RANBP2: variants seen among roughly 807,000 people sequenced by gnomAD.
RANBP2 encodes RAN binding protein 2.
A neutral mutation model predicts 303.6 loss-of-function variants in RANBP2; 57 were observed. The observed-to-expected ratio is 0.19, with a 90% CI of 0.15 to 0.23. RANBP2 has a LOEUF of 0.23. Ranked by LOEUF, RANBP2 falls within the 10% of genes least tolerant of loss-of-function variation. RANBP2 has a pLI of 1.00. For synonymous variants in RANBP2, 1,167 were observed against 1,301.5 expected (o/e 0.90, Z 2.23); for missense variants, 3,138 against 3,780.8 (o/e 0.83, Z 4.46).
chr2:109,070,720 G>A, the RANBP2 span, among the ~76,000 whole-genome samples: 4 of 152,070 alleles, frequency 2.6e-5, no homozygotes, highest in African/African-American at 9.7e-5. Flanking sequence ...TTAGGCGGGT[G>A]TGATGGTGCG....
chr2:108,862,538 G>T, the RANBP2 span, among the ~76,000 whole-genome samples: 1 of 152,154 alleles, frequency 6.6e-6, no homozygotes. Flanking sequence ...ATTGCTAACA[G>T]AGTACATTTT....
At chr2:109,656,909 G>C in the RANBP2 span, among the ~76,000 whole-genome samples, 1 of 152,098 alleles carries the variant, frequency 6.6e-6, no homozygotes, top group Non-Finnish European at 1.5e-5. Context: ...GAAAAAGTAG[G>C]GCGGTTCATA....
chr2:108,889,379 G>A, the RANBP2 span, among the ~76,000 whole-genome samples: 3 of 152,124 alleles, frequency 2.0e-5, no homozygotes, highest in Non-Finnish European at 2.9e-5. Context: ...CTAATGCTGA[G>A]TGGGAGAGAT....
chr2:109,568,282 G>T, the RANBP2 span, among the ~76,000 whole-genome samples: 1 of 151,638 alleles, frequency 6.6e-6, no homozygotes, highest in African/African-American at 2.4e-5. Context: ...GCCCTTTGCA[G>T]AAAAGGCATG....
At chr2:108,843,880 T>TGTGTGTGTGTG in the RANBP2 span, among the ~76,000 whole-genome samples, 4 of 94,134 alleles carry the variant, frequency 4.2e-5, no homozygotes, top group African/African-American at 2.2e-4. Flanking sequence ...GTGTGTGTGT[T>TGTGTGTGTGTG]TCTTTCTTTT....
chr2:109,451,407 G>C, the RANBP2 span, among the ~76,000 whole-genome samples: 98 of 152,294 alleles, frequency 6.4e-4, no homozygotes, highest in African/African-American at 2.3e-3. Flanking sequence ...GGGCAGACTT[G>C]GAAAGTGGGG....
At chr2:109,165,205 G>A in the RANBP2 span, among the ~76,000 whole-genome samples, 1 of 49,774 alleles carries the variant, frequency 2.0e-5, no homozygotes, top group Non-Finnish European at 4.6e-5. Flanking sequence ...GCTGAGGGAA[G>A]ACTGTGCTAA....
chr2:108,742,184 C>T (rs1341274181), intron 7 of RANBP2, among the ~76,000 whole-genome samples: 3 of 151,822 alleles, frequency 2.0e-5, no homozygotes, highest in African/African-American at 2.4e-5. Context: ...TTAGTAGAGA[C>T]GGGGTTTCTC....
chr2:109,330,040 T>C, the RANBP2 span, among the ~76,000 whole-genome samples: 2 of 152,184 alleles, frequency 1.3e-5, no homozygotes, highest in Admixed American at 6.5e-5. Context: ...TTACAAAACA[T>C]TGAATTTCAT....
At chr2:108,897,954 G>A in the RANBP2 span, among the ~76,000 whole-genome samples, 1 of 152,124 alleles carries the variant, frequency 6.6e-6, no homozygotes, top group Non-Finnish European at 1.5e-5. Context: ...TAAGTTCCCT[G>A]GGTTTTCTTT....
At chr2:109,473,125 C>T in the RANBP2 span, among the ~76,000 whole-genome samples, 2 of 152,248 alleles carry the variant, frequency 1.3e-5, no homozygotes, top group Admixed American at 1.3e-4. Flanking sequence ...AATCGCCCCT[C>T]ATTTAACAGC....
the RANBP2 span, chr2:109,592,936 G>T: frequency 1.8e-6 from 1 of 545,572 alleles, no homozygotes; most frequent in Non-Finnish European, 3.0e-6. Flanking sequence ...CACGTTGGAG[G>T]TAAGTACAAA....
chr2:108,771,902 G>A, intron 21 of RANBP2, 31 bp downstream of exon 21: 11 of 1,613,140 alleles, frequency 6.8e-6, no homozygotes, highest in Non-Finnish European at 9.3e-6. Flanking sequence ...AAAATCCTCT[G>A]TTCCCGCTAA....
the RANBP2 span, among the ~76,000 whole-genome samples, chr2:109,277,228 C>T: frequency 5.9e-5 from 9 of 152,260 alleles, no homozygotes; most frequent in African/African-American, 1.4e-4. Flanking sequence ...CCCTGCATTT[C>T]GGATGTGTCA....
At chr2:109,758,436 T>C in the RANBP2 span, among the ~76,000 whole-genome samples, 1 of 126,506 alleles carries the variant, frequency 7.9e-6, no homozygotes, top group Non-Finnish European at 1.7e-5. Context: ...ATCCTCACAA[T>C]AAGTGTGCTA....
chr2:109,208,995 A>G, the RANBP2 span, among the ~76,000 whole-genome samples: 1 of 152,340 alleles, frequency 6.6e-6, no homozygotes, highest in South Asian at 2.1e-4. Flanking sequence ...CAGAGGCCCG[A>G]CATCAACACG....
the RANBP2 span, chr2:109,432,376 C>T: frequency 1.6e-6 from 2 of 1,219,228 alleles, no homozygotes; most frequent in Non-Finnish European, 2.3e-6. Context: ...TGCAGAGCCC[C>T]CATAGACTCT....
the RANBP2 span, among the ~76,000 whole-genome samples, chr2:109,145,487 C>A: frequency 2.0e-5 from 3 of 152,186 alleles, no homozygotes; most frequent in Non-Finnish European, 2.9e-5. Flanking sequence ...ATGCCGCCTC[C>A]TTTCTCATCT....
chr2:109,492,541 C>A, the RANBP2 span, among the ~76,000 whole-genome samples: 5 of 152,310 alleles, frequency 3.3e-5, no homozygotes, highest in African/African-American at 1.2e-4. Flanking sequence ...CCAGGCCCTG[C>A]CTTCTATGTT....
Sources: allele counts gnomAD v4.1 joint callset (sites outside exome capture counted in the v4.1 genomes callset), GRCh38; gene constraint gnomAD v4.1.1; transcripts MANE v1.5; gene names NCBI Gene and HGNC (gene_info 2026-07-23, HGNC 2026-07-21).